The following NCOA1 variants were observed in gnomAD, a reference collection of about 807,000 sequenced individuals.
NCOA1 encodes nuclear receptor coactivator 1.
NCOA1 carries 35 observed loss-of-function variants against 150.9 expected under a neutral mutation model. The ratio of observed to expected loss-of-function variants is 0.23; its 90% CI spans 0.18 to 0.31. The LOEUF is 0.31. Ranked by LOEUF, NCOA1 falls within the 10% of genes least tolerant of loss-of-function variation. The pLI is 1.00. For synonymous variants in NCOA1, 590 were observed against 630.0 expected (o/e 0.94, Z 0.95); for missense variants, 1,491 against 1,749.3 (o/e 0.85, Z 2.63).
chr2:24,761,488 T>C (rs1462708102), intron 21 of NCOA1, among the ~76,000 whole-genome samples: 2 of 152,254 alleles, frequency 1.3e-5, no homozygotes, highest in African/African-American at 4.8e-5. Context: ...CCAACATTTT[T>C]TTCATATCTG....
intron 3 of NCOA1, among the ~76,000 whole-genome samples, chr2:24,641,174 A>G (rs993454262): frequency 6.6e-6 from 1 of 151,654 alleles, no homozygotes; most frequent in Non-Finnish European, 1.5e-5. Context: ...TTATAAATTT[A>G]TTTGTAGTTA....
At chr2:24,603,172 T>C (rs983566389) in intron 3 of NCOA1, among the ~76,000 whole-genome samples, 3 of 110,198 alleles carry the variant, frequency 2.7e-5, no homozygotes, top group African/African-American at 5.3e-5. Flanking sequence ...TGCAATAGCA[T>C]TGTGTCTAAA....
At chr2:24,630,439 T>A (rs1018381783) in intron 3 of NCOA1, among the ~76,000 whole-genome samples, 1 of 152,234 alleles carries the variant, frequency 6.6e-6, no homozygotes, top group Non-Finnish European at 1.5e-5. Context: ...TTTGAGCTGT[T>A]CCTATTTTTT....
chr2:24,524,386 C>T (rs2148145625), intron 1 of NCOA1, among the ~76,000 whole-genome samples: 1 of 152,288 alleles, frequency 6.6e-6, no homozygotes, highest in East Asian at 1.9e-4. Context: ...AAGCCTCAAC[C>T]TCCTGGACTC....
intron 1 of NCOA1, among the ~76,000 whole-genome samples, chr2:24,500,775 C>T (rs1663426487): frequency 6.6e-6 from 1 of 152,176 alleles, no homozygotes; most frequent in South Asian, 2.1e-4. Context: ...AGCAAATAAA[C>T]ACACTTAATC....
At chr2:24,579,916 T>G (rs1667132512) in intron 2 of NCOA1, among the ~76,000 whole-genome samples, 2 of 152,218 alleles carry the variant, frequency 1.3e-5, no homozygotes, top group Admixed American at 6.5e-5. Flanking sequence ...AAGATAAATT[T>G]CACATCCTTT....
chr2:24,666,668 T>G (rs1671445473), intron 6 of NCOA1, among the ~76,000 whole-genome samples: 3 of 151,664 alleles, frequency 2.0e-5, no homozygotes, highest in African/African-American at 7.3e-5. Flanking sequence ...GGATCCTCAT[T>G]CTGTCACAGG....
intron 3 of NCOA1, among the ~76,000 whole-genome samples, chr2:24,629,813 C>CATGCATATATAT (rs1396224101): frequency 5.2e-5 from 4 of 77,348 alleles, no homozygotes; most frequent in Admixed American, 1.8e-4. Context: ...AAGTAACATA[C>CATGCATATATAT]ATACATATAT....
At chr2:24,590,158 T>C (rs979192969) in intron 3 of NCOA1, among the ~76,000 whole-genome samples, 1 of 152,172 alleles carries the variant, frequency 6.6e-6, no homozygotes, top group African/African-American at 2.4e-5. Context: ...ATAAGGTAAA[T>C]ATTAACTATT....
chr2:24,640,930 T>C (rs1670187200), intron 3 of NCOA1, among the ~76,000 whole-genome samples: 2 of 152,148 alleles, frequency 1.3e-5, no homozygotes, highest in South Asian at 2.1e-4. Flanking sequence ...TTATTTTATA[T>C]TTAATGTAAT....
At chr2:24,545,791 AT>A (rs1665583211) in intron 1 of NCOA1, among the ~76,000 whole-genome samples, 1 of 152,000 alleles carries the variant, frequency 6.6e-6, no homozygotes, top group Non-Finnish European at 1.5e-5. Flanking sequence ...TTTTTATTAG[AT>A]TTATTTACTT....
At chr2:24,704,680 G>A (rs183703104) in intron 11 of NCOA1, among the ~76,000 whole-genome samples, 40 of 152,188 alleles carry the variant, frequency 2.6e-4, no homozygotes, top group African/African-American at 9.2e-4. Context: ...GGCTGAGGCA[G>A]GAGAATTGCT....
At chr2:24,538,715 C>T (rs1415702330) in intron 1 of NCOA1, among the ~76,000 whole-genome samples, 14 of 152,168 alleles carry the variant, frequency 9.2e-5, no homozygotes, top group Admixed American at 5.9e-4. Context: ...ACTGCCCCTT[C>T]CCAGTTGCTC....
intron 1 of NCOA1, among the ~76,000 whole-genome samples, chr2:24,548,224 C>G (rs917584480): frequency 4.3e-4 from 65 of 152,196 alleles, no homozygotes; most frequent in Admixed American, 2.4e-3. Context: ...AGGGGAGGAG[C>G]AAGTCACGTC....
At chr2:24,546,025 G>A (rs879283032) in intron 1 of NCOA1, among the ~76,000 whole-genome samples, 13 of 152,100 alleles carry the variant, frequency 8.5e-5, no homozygotes, top group Admixed American at 8.5e-4. Flanking sequence ...CTGACCTCAG[G>A]TGATCCACCT....
At chr2:24,641,126 A>C (rs2148456468) in intron 3 of NCOA1, among the ~76,000 whole-genome samples, 1 of 151,938 alleles carries the variant, frequency 6.6e-6, no homozygotes, top group Non-Finnish European at 1.5e-5. Context: ...TATAATTTTT[A>C]AGTGGATGCT....
At position 24,690,302 on chromosome 2, in the gene NCOA1, G is replaced by A. The variant is rs6718987; in HGVS notation, c.533-1179G>A. Among the ~76,000 whole-genome samples the A allele has an allele frequency of 7.4e-3, 1,122 of 152,030 alleles. 13 individuals carry two copies. Among genetic ancestry groups the A allele is most frequent in the African/African-American group, 0.025 (1,051 of 41,480 alleles). ...CTAACACTTAATAAAGGATGAGATG[G>A]AAAAAAGGAAGGAGGGTCATTGGAG... On this transcript the variant is annotated intron_variant, in intron 8 of 22. Coordinates refer to ENST00000348332, the MANE Select transcript of NCOA1 (RefSeq NM_003743.5).
chr2:24,726,966 A>C (rs1237969465), intron 15 of NCOA1, among the ~76,000 whole-genome samples: 1 of 151,592 alleles, frequency 6.6e-6, no homozygotes, highest in Non-Finnish European at 1.5e-5. Flanking sequence ...GTGAAACCCC[A>C]TCTCTACTAA....
intron 3 of NCOA1, among the ~76,000 whole-genome samples, chr2:24,632,045 AGTG>A (rs1440532175): frequency 6.1e-5 from 9 of 147,624 alleles, no homozygotes; most frequent in African/African-American, 2.2e-4. Context: ...TCCATGTAAA[AGTG>A]GTAGATTGAG....
Sources: gnomAD v4.1 joint callset for allele counts (sites outside exome capture counted in the v4.1 genomes callset) on GRCh38, gnomAD v4.1.1 for gene constraint, MANE v1.5 for transcripts, NCBI Gene and HGNC (gene_info 2026-07-23, HGNC 2026-07-21) for gene names.